The following THAP4 variants were observed in gnomAD, a reference collection of about 807,000 sequenced individuals.
THAP4 encodes the protein peroxynitrite isomerase THAP4.
THAP4 carries 18 observed loss-of-function variants against 48.1 expected under a neutral mutation model. The ratio of observed to expected loss-of-function variants is 0.37; its 90% CI spans 0.26 to 0.56. THAP4 has a LOEUF of 0.56. THAP4 is among the 20% of genes least tolerant of loss of function. The pLI is 0.78. For missense variants in THAP4, 656 were observed against 774.9 expected, an observed-to-expected ratio of 0.85 and a Z score of 1.82; for synonymous variants, 345 against 324.9, an observed-to-expected ratio of 1.06 and a Z score of -0.66.
intron 2 of THAP4, among the ~76,000 whole-genome samples, chr2:241,626,792 G>A (rs2067499937): frequency 6.6e-6 from 1 of 152,140 alleles, no homozygotes; most frequent in Non-Finnish European, 1.5e-5. Flanking sequence ...TCAAACTCTT[G>A]ACCTTAAGTG....
chr2:241,598,376 T>C (rs1268002050), intron 5 of THAP4, among the ~76,000 whole-genome samples: 1 of 152,168 alleles, frequency 6.6e-6, no homozygotes, highest in Non-Finnish European at 1.5e-5. Flanking sequence ...AAATGGACAA[T>C]GATGTCTAAA....
At chr2:241,609,560 G>A (rs536133384) in intron 2 of THAP4, among the ~76,000 whole-genome samples, 3 of 152,304 alleles carry the variant, frequency 2.0e-5, no homozygotes, top group Non-Finnish European at 4.4e-5. Context: ...GCCGAGACGG[G>A]CAGATCACCT....
chr2:241,620,614 A>ATGAGTGAGGGGTGAGTGAGTCAG (rs1358200290), intron 2 of THAP4, among the ~76,000 whole-genome samples: 1 of 113,818 alleles, frequency 8.8e-6, no homozygotes, highest in African/African-American at 3.4e-5. Flanking sequence ...TGAGTGAGGG[A>ATGAGTGAGGGGTGAGTGAGTCAG]TGAGTGAGGG....
At chr2:241,592,048 C>G (rs2066987228) in intron 5 of THAP4, 1 of 152,246 alleles carries the variant, frequency 6.6e-6, no homozygotes, top group Non-Finnish European at 1.5e-5. Context: ...GTCACCAGAC[C>G]TGAACAGGCA....
At chr2:241,594,741 G>A (rs1467269054) in intron 5 of THAP4, 1 of 162,260 alleles carries the variant, frequency 6.2e-6, no homozygotes, top group Non-Finnish European at 1.3e-5. Flanking sequence ...CTAGGTGATG[G>A]AATGAGACCC....
At chr2:241,606,113 A>G (rs1575025663) in intron 3 of THAP4, among the ~76,000 whole-genome samples, 1 of 152,242 alleles carries the variant, frequency 6.6e-6, no homozygotes, top group East Asian at 1.9e-4. Flanking sequence ...CTCCAAAAAT[A>G]TAACAGAACC....
rs778663802 is a variant in THAP4 at position 241,633,687 on chromosome 2, G to A, written c.470C>T (p.Ala157Val). ...AALQGEATPR[A>V]AQEAASQEQA... The stretch of plus-strand genomic sequence containing the variant: ...CTCCTGGCTGGCGGCCTCCTGGGCC[G>A]CCCTGGGTGTGGCTTCACCTTGCAG... The change falls in exon 2 of 6, where the codon GCG becomes GTG. Residue 157 changes from alanine to valine, a missense_variant. Physicochemically the swap from Ala to Val is moderately conservative, Grantham distance 64. This residue lies in a region of THAP4 where 391 missense variants were observed against 412.4 expected (regional missense o/e 0.95). Coordinates refer to ENST00000407315, the MANE Select transcript of THAP4 (RefSeq NM_015963.6). This position sits in a 1 kb window ranked among gnomAD's most constrained non-coding sequence, Gnocchi z 7.5. 4.3e-6 allele frequency: 7 copies of A among 1,611,274 alleles called. No individual in the cohort carries two copies. Among genetic ancestry groups the A allele is most frequent in the East Asian group, 2.2e-5 (1 of 44,870 alleles).
chr2:241,633,860 G>A lies in THAP4; in HGVS notation c.297C>T (p.Arg99=), dbSNP rs769228158. The change falls in exon 2 of 6, where the codon CGC becomes CGT. Residue 99 remains arginine (R), a synonymous_variant. Coordinates refer to ENST00000407315, the MANE Select transcript of THAP4 (RefSeq NM_015963.6). The surrounding 1 kb of genome is among the most constrained non-coding windows in gnomAD (Gnocchi z 7.5). Reference sequence around the variant, plus strand: ...CCTTGCTGGCATCTTTTCTCCGGGTGCGGCCATGGCCTCCAGCCCCCCTCT... The same window carrying A: ...CCTTGCTGGCATCTTTTCTCCGGGTACGGCCATGGCCTCCAGCCCCCCTCT... ...EKKRGAGGHG[R]TRRKDASKAT... The A allele has an allele frequency of 2.5e-6, 4 of 1,613,722 alleles. No individual in the cohort carries two copies. The highest frequency in any genetic ancestry group is 1.7e-5 in the Admixed American group (1 of 60,002).
At position 241,633,149 on chromosome 2, in the gene THAP4, T is replaced by C. The variant is rs759712530; in HGVS notation, c.1008A>G (p.Ser336=). Residue 336 remains serine, a synonymous_variant, in exon 2 of 6, where the codon TCA becomes TCG. Coordinates refer to ENST00000407315, the MANE Select transcript of THAP4 (RefSeq NM_015963.6). This position sits in a 1 kb window ranked among gnomAD's most constrained non-coding sequence, Gnocchi z 7.5. The part of the protein sequence containing the change: ...MSINEVILSA[S]GACKLIDSLH... ...GTGAGTCGATGAGCTTGCAGGCCCC[T>C]GACGCCGACAGGATGACCTCGTTGA... The C allele has an allele frequency of 2.0e-5, 33 of 1,609,974 alleles. No homozygotes were observed. Among genetic ancestry groups the C allele is most frequent in the Non-Finnish European group, 2.7e-5 (32 of 1,177,576 alleles).
intron 1 of THAP4, among the ~76,000 whole-genome samples, chr2:241,635,120 T>C (rs1203621354): frequency 6.6e-6 from 1 of 152,156 alleles, no homozygotes; most frequent in Non-Finnish European, 1.5e-5. Context: ...AATTGTACAC[T>C]GAAAAAGCGG....
At chr2:241,615,767 C>T (rs1001680191) in intron 2 of THAP4, among the ~76,000 whole-genome samples, 2 of 152,252 alleles carry the variant, frequency 1.3e-5, no homozygotes, top group Admixed American at 6.5e-5. Flanking sequence ...CTCCTCTTCA[C>T]TCCTCTCTTC....
chr2:241,633,690 C>T lies in THAP4; in HGVS notation c.467G>A (p.Arg156Lys). Residue 156 changes from arginine (R) to lysine (K), a missense_variant, in exon 2 of 6, where the codon AGG (arginine) becomes AAG (lysine). Transcript: ENST00000407315. This position sits in a 1 kb window ranked among gnomAD's most constrained non-coding sequence, Gnocchi z 7.5. ...QAALQGEATP[R>K]AAQEAASQEQ... is the part of the protein sequence containing the mutation. ...CTGGCTGGCGGCCTCCTGGGCCGCC[C>T]TGGGTGTGGCTTCACCTTGCAGAGC... The T allele has an allele frequency of 1.2e-6, 2 of 1,611,510 alleles. No homozygotes were observed. Among genetic ancestry groups the T allele is most frequent in the South Asian group, 1.1e-5 (1 of 91,020 alleles).
intron 3 of THAP4, among the ~76,000 whole-genome samples, chr2:241,604,329 C>G (rs1002095484): frequency 1.3e-5 from 2 of 152,026 alleles, no homozygotes; most frequent in African/African-American, 4.8e-5. Context: ...TGGCTCACTG[C>G]AACCTCCGCC....
At position 241,584,412 on chromosome 2, in the gene THAP4, C is replaced by T; in HGVS notation, c.*194G>A. On this transcript the variant is annotated 3_prime_UTR_variant, in exon 6 of 6. Transcript: ENST00000407315. ...TACAGCCTACGCAAGTGATAATATT[C>T]AAAATCCTCAGCCATAAAAATAAAG... is the stretch of plus-strand genomic sequence containing the variant. The T allele has an allele frequency of 1.7e-6, 1 of 586,762 alleles. No homozygotes were observed. Among genetic ancestry groups the T allele is most frequent in the Non-Finnish European group, 3.0e-6 (1 of 332,866 alleles). The allele number at this position is 586,762 out of a possible 1,614,324, so 36.3% of individuals were successfully genotyped here. A position where few individuals can be genotyped will look rare whatever the true frequency, so the allele number is the denominator to read the frequency against.
At chr2:241,595,507 C>T (rs111997400) in intron 5 of THAP4, among the ~76,000 whole-genome samples, 1 of 152,002 alleles carries the variant, frequency 6.6e-6, no homozygotes, top group East Asian at 2.0e-4. Context: ...CATGATGGCA[C>T]GTGCCTGTAA....
intron 2 of THAP4, among the ~76,000 whole-genome samples, chr2:241,613,479 T>G (rs2067302909): frequency 6.6e-6 from 1 of 152,180 alleles, no homozygotes; most frequent in Non-Finnish European, 1.5e-5. Context: ...CTGGGCCGGT[T>G]GCAGTGGCTC....
chr2:241,603,128 G>A, intron 3 of THAP4, 49 bp from the exon 4 acceptor site: 1 of 1,488,240 alleles, frequency 6.7e-7, no homozygotes, highest in Non-Finnish European at 9.4e-7. Context: ...CCTCCAAGAT[G>A]GCGTGGGCTG....
intron 5 of THAP4, among the ~76,000 whole-genome samples, chr2:241,597,119 C>T (rs751915541): frequency 7.2e-5 from 11 of 152,202 alleles, no homozygotes; most frequent in African/African-American, 1.7e-4. Flanking sequence ...TCTGTCAGTC[C>T]GTCACTGAAG....
rs2066866910 is a variant in THAP4, at chr2:241,584,497, G to A, written c.*109C>T. On this transcript the variant is annotated 3_prime_UTR_variant, in exon 6 of 6. Coordinates refer to ENST00000407315, the MANE Select transcript of THAP4 (RefSeq NM_015963.6). Reference sequence around the variant, plus strand: ...ACATCTGGACAACACTCTTGAGCCTGCAGAGGCTCACGGCCACACCCACTT... The same window carrying A: ...ACATCTGGACAACACTCTTGAGCCTACAGAGGCTCACGGCCACACCCACTT... The A allele has an allele frequency of 1.7e-6, 2 of 1,204,702 alleles. No homozygotes were observed. Among genetic ancestry groups the A allele is most frequent in the African/African-American group, 1.5e-5 (1 of 66,188 alleles). The allele number at this position is 1,204,702 out of a possible 1,614,324, so 74.6% of individuals were successfully genotyped here.
Sources: gnomAD v4.1 joint callset for allele counts (sites outside exome capture counted in the v4.1 genomes callset) on GRCh38, gnomAD v4.1.1 for gene constraint, gnomAD v4.1.1 regional missense constraint, Gnocchi (gnomAD v3.1) non-coding constraint, MANE v1.5 for transcripts, NCBI Gene and HGNC (gene_info 2026-07-23, HGNC 2026-07-21) for gene names.